The following NLGN1 variants were observed in gnomAD, a reference collection of about 807,000 sequenced individuals.
The protein encoded by NLGN1 is neuroligin 1.
Under a neutral mutation model 65.5 loss-of-function variants are expected in NLGN1, and 12 were observed. That is an observed-to-expected ratio of 0.18 (90% CI 0.12 to 0.30). The LOEUF (loss-of-function observed/expected upper bound fraction) is 0.30. Ranked by LOEUF, NLGN1 falls within the 10% of genes least tolerant of loss-of-function variation. The pLI is 1.00. For missense variants in NLGN1, 750 were observed against 1,007.1 expected (o/e 0.74, Z 3.46); for synonymous variants, 350 against 359.5 (o/e 0.97, Z 0.30).
intron 4 of NLGN1, among the ~76,000 whole-genome samples, chr3:174,238,618 C>T (rs1742191331): frequency 6.6e-6 from 1 of 152,152 alleles, no homozygotes; most frequent in South Asian, 2.1e-4. Context: ...CCTTGGCCTC[C>T]CAAAGTGCTG....
chr3:174,193,936 A>G (rs993374525), intron 4 of NLGN1, among the ~76,000 whole-genome samples: 54 of 152,166 alleles, frequency 3.5e-4, no homozygotes, highest in African/African-American at 1.3e-3. Flanking sequence ...TTTAAAAGCC[A>G]ATAGTCACTG....
intron 2 of NLGN1, among the ~76,000 whole-genome samples, chr3:173,546,750 A>G (rs1377667671): frequency 2.0e-5 from 3 of 152,206 alleles, no homozygotes; most frequent in Non-Finnish European, 2.9e-5. Context: ...AACTGTCAAG[A>G]ATCATTCCTT....
chr3:173,863,963 C>T (rs1729634863), intron 4 of NLGN1, among the ~76,000 whole-genome samples: 2 of 152,178 alleles, frequency 1.3e-5, no homozygotes, highest in African/African-American at 4.8e-5. Flanking sequence ...TACAACGTAA[C>T]AGAGCTGCCT....
chr3:173,582,990 T>C (rs900607164), intron 2 of NLGN1, among the ~76,000 whole-genome samples: 1 of 152,298 alleles, frequency 6.6e-6, no homozygotes, highest in Middle Eastern at 3.4e-3. Flanking sequence ...GAATATGTCA[T>C]CTTCCCTCAG....
At chr3:173,511,853 CT>C (rs907215939) in intron 2 of NLGN1, among the ~76,000 whole-genome samples, 4 of 152,090 alleles carry the variant, frequency 2.6e-5, no homozygotes, top group African/African-American at 9.7e-5. Flanking sequence ...AAGTTGCCTA[CT>C]TTTTTCATTA....
intron 2 of NLGN1, among the ~76,000 whole-genome samples, chr3:173,544,696 G>T (rs1193510718): frequency 6.6e-6 from 1 of 152,032 alleles, no homozygotes; most frequent in Non-Finnish European, 1.5e-5. Context: ...AAAAGATTTG[G>T]CCTAGATATA....
intron 4 of NLGN1, among the ~76,000 whole-genome samples, chr3:174,205,228 A>T (rs1735180704): frequency 1.3e-5 from 2 of 152,172 alleles, no homozygotes; most frequent in Admixed American, 1.3e-4. Flanking sequence ...TATTCAAAAC[A>T]ATACACTTGA....
chr3:173,627,811 T>G (rs1002209750), intron 3 of NLGN1, among the ~76,000 whole-genome samples: 1 of 152,028 alleles, frequency 6.6e-6, no homozygotes. Flanking sequence ...TTCAAGCAGC[T>G]GACTGTATAT....
intron 3 of NLGN1, chr3:173,724,566 TG>T (rs1771439710): frequency 6.5e-6 from 1 of 154,938 alleles, no homozygotes; most frequent in African/African-American, 2.4e-5. Flanking sequence ...TGAGCCACCA[TG>T]CCCGGCTACT....
chr3:174,263,044 G>A (rs1245155459), intron 4 of NLGN1, among the ~76,000 whole-genome samples: 3 of 136,372 alleles, frequency 2.2e-5, no homozygotes, highest in Admixed American at 7.5e-5. Flanking sequence ...ACTGTGGTCT[G>A]AGAGATAGTT....
At chr3:173,831,954 C>CTTTCTT (rs58726940) in intron 4 of NLGN1, among the ~76,000 whole-genome samples, 127,134 of 150,208 alleles carry the variant, frequency 0.85, 54,675 homozygotes, top group African/African-American at 0.93. Context: ...CTATATTCTA[C>CTTTCTT]TTTCTTTTTC....
rs1452719621 is a variant in NLGN1, at chr3:173,831,108, A to G, written c.646+23276A>G. Among the ~76,000 whole-genome samples the G allele has an allele frequency of 3.9e-5, 6 of 152,152 alleles. 1 individual carries two copies. The highest frequency in any genetic ancestry group is 3.9e-4 in the Admixed American group (6 of 15,250). On this transcript the variant is annotated intron_variant, in intron 4 of 6. Transcript: ENST00000457714. The stretch of plus-strand genomic sequence containing the variant: ...TCCAATTCCATCCATGTTGTTGCAA[A>G]TGACAGGATGTCATTCTATTTTATG...
At chr3:174,201,768 A>G (rs901539229) in intron 4 of NLGN1, among the ~76,000 whole-genome samples, 2 of 152,128 alleles carry the variant, frequency 1.3e-5, no homozygotes, top group Non-Finnish European at 2.9e-5. Flanking sequence ...AGATAAGGAA[A>G]CCTCATTTAT....
chr3:174,097,944 C>A (rs911169886), intron 4 of NLGN1, among the ~76,000 whole-genome samples: 3 of 152,152 alleles, frequency 2.0e-5, no homozygotes, highest in Non-Finnish European at 2.9e-5. Context: ...ACTCGTGTAG[C>A]TCTAAGCATG....
intron 4 of NLGN1, among the ~76,000 whole-genome samples, chr3:174,237,291 A>G (rs927546534): frequency 1.3e-5 from 2 of 152,168 alleles, no homozygotes; most frequent in African/African-American, 4.8e-5. Flanking sequence ...CACAGATTCT[A>G]TTCCAATATT....
chr3:173,698,210 G>T (rs1766530001), intron 3 of NLGN1, among the ~76,000 whole-genome samples: 1 of 152,090 alleles, frequency 6.6e-6, no homozygotes, highest in Admixed American at 6.5e-5. Flanking sequence ...GCAACTATTA[G>T]ACACTCAATA....
At chr3:173,696,198 C>G (rs1766192322) in intron 3 of NLGN1, among the ~76,000 whole-genome samples, 1 of 152,122 alleles carries the variant, frequency 6.6e-6, no homozygotes, top group South Asian at 2.1e-4. Flanking sequence ...ATATACAATT[C>G]AAGAAAAGAG....
chr3:173,721,939 T>C (rs1358369172), intron 3 of NLGN1, among the ~76,000 whole-genome samples: 3 of 22,732 alleles, frequency 1.3e-4, no homozygotes, highest in African/African-American at 3.8e-4. Context: ...GAATATCTGC[T>C]CGTAAAAAAA....
In NLGN1 at chr3:173,491,874, AC is replaced by A. The variant is rs1729226175; in HGVS notation, c.-321+56800del. On this transcript the variant is annotated intron_variant, in intron 2 of 6. Coordinates refer to ENST00000457714, the Ensembl canonical transcript of NLGN1. ...TAGGAGTCATCCTAAGTTGCCATTA[AC>A]CCCTGAACTATGCCATTAATATCCT... Among the ~76,000 whole-genome samples the A allele has an allele frequency of 2.0e-5, 3 of 151,722 alleles. No individual in the cohort carries two copies. In the Middle Eastern group the frequency reaches 0.01, roughly 520 times the overall value.
Sources: allele counts gnomAD v4.1 joint callset (sites outside exome capture counted in the v4.1 genomes callset), GRCh38; gene constraint gnomAD v4.1.1; transcripts MANE v1.5; gene names NCBI Gene and HGNC (gene_info 2026-07-23, HGNC 2026-07-21).